Variants in IQGAP2 observed in about 807,000 individuals in gnomAD.
IQGAP2 encodes the protein ras GTPase-activating-like protein IQGAP2.
In IQGAP2, 173 loss-of-function variants were observed where a neutral mutation model predicts 201.3. The ratio of observed to expected loss-of-function variants is 0.86; its 90% CI spans 0.76 to 0.98. IQGAP2 has a LOEUF of 0.98. Among genes scored for constraint, IQGAP2 ranks in the 50% least tolerant of loss-of-function variants. The pLI is 0.00. For missense variants in IQGAP2, 1,687 were observed against 1,864.8 expected (o/e 0.90, Z 1.76); for synonymous variants, 675 against 673.9 (o/e 1.00, Z -0.03).
At chr5:76,661,035 A>G (rs2150453426) in intron 21 of IQGAP2, among the ~76,000 whole-genome samples, 1 of 152,086 alleles carries the variant, frequency 6.6e-6, no homozygotes, top group African/African-American at 2.4e-5. Context: ...ATAATAATCC[A>G]GAAGAAGAAA....
At chr5:76,643,817 C>T (rs369299266) in intron 17 of IQGAP2, among the ~76,000 whole-genome samples, 8 of 152,098 alleles carry the variant, frequency 5.3e-5, no homozygotes, top group East Asian at 1.9e-4. Flanking sequence ...AACTTCACTT[C>T]GCCAGGAGCA....
chr5:76,619,786 G>A (rs1449636555), intron 13 of IQGAP2, among the ~76,000 whole-genome samples: 1 of 152,094 alleles, frequency 6.6e-6, no homozygotes, highest in Non-Finnish European at 1.5e-5. Context: ...CCAAAGTGCT[G>A]GGATTACAGG....
rs1166317762 is a variant in IQGAP2 at position 76,477,802 on chromosome 5, T to C, written c.146+16133T>C. Among the ~76,000 whole-genome samples the C allele has an allele frequency of 2.6e-5, 4 of 152,280 alleles. No individual in the cohort carries two copies. The South Asian group carries it at 6.2e-4, about 24-fold the overall frequency. On this transcript the variant is annotated intron_variant, in intron 2 of 35. Transcript: ENST00000274364. ...TGGAGGTGGAAGACAGTGATATTGA[T>C]GATCCTGACTCATGTGGGATCTTGC...
In IQGAP2 at chr5:76,467,031, G is replaced by T. The variant is rs558993332; in HGVS notation, c.146+5362G>T. On this transcript the variant is annotated intron_variant, in intron 2 of 35. Coordinates refer to ENST00000274364, the MANE Select transcript of IQGAP2 (RefSeq NM_006633.5). Reference sequence around the variant, plus strand: ...TTTGGGAGGCTAAGGCCAGCAGATCGCTTGAGCCCAGGAGATCGAGACCAG... The same window carrying T: ...TTTGGGAGGCTAAGGCCAGCAGATCTCTTGAGCCCAGGAGATCGAGACCAG... 2.0e-5 allele frequency among the ~76,000 whole-genome samples: 3 copies of T among 152,256 alleles called. No individual in the cohort carries two copies. In the South Asian group the frequency reaches 6.2e-4, roughly 32 times the overall value.
intron 17 of IQGAP2, among the ~76,000 whole-genome samples, chr5:76,648,637 G>A (rs1005246840): frequency 9.9e-5 from 15 of 152,112 alleles, no homozygotes; most frequent in Non-Finnish European, 1.6e-4. Flanking sequence ...TAAGCAATTA[G>A]CAATTACTAA....
intron 13 of IQGAP2, chr5:76,617,474 G>A (rs1749092730): frequency 2.6e-6 from 2 of 777,110 alleles, no homozygotes; most frequent in Admixed American, 2.6e-5. Context: ...GACCTTTGAA[G>A]CATATTTCTT....
intron 2 of IQGAP2, among the ~76,000 whole-genome samples, chr5:76,492,820 G>T (rs1218369312): frequency 6.6e-6 from 1 of 152,192 alleles, no homozygotes; most frequent in East Asian, 1.9e-4. Flanking sequence ...AGGCCATGGA[G>T]AGTCTGTGAT....
At chr5:76,595,790 G>C (rs958355208) in intron 9 of IQGAP2, among the ~76,000 whole-genome samples, 6 of 151,508 alleles carry the variant, frequency 4.0e-5, no homozygotes, top group South Asian at 4.2e-4. Flanking sequence ...GAGAGAGAGA[G>C]AGAGAGAGAA....
intron 2 of IQGAP2, among the ~76,000 whole-genome samples, chr5:76,485,629 A>G (rs2150149567): frequency 6.6e-6 from 1 of 152,316 alleles, no homozygotes; most frequent in Non-Finnish European, 1.5e-5. Flanking sequence ...TACAGGCCAC[A>G]CATGGGGAGT....
At chr5:76,458,377 A>T (rs1213503108) in intron 1 of IQGAP2, among the ~76,000 whole-genome samples, 1 of 152,214 alleles carries the variant, frequency 6.6e-6, no homozygotes, top group East Asian at 1.9e-4. Context: ...CAGTGTTATT[A>T]TCCATGCCAG....
intron 31 of IQGAP2, 27 bp from the exon 32 acceptor site, chr5:76,695,427 C>G (rs1223056106): frequency 2.5e-6 from 4 of 1,584,264 alleles, no homozygotes; most frequent in Non-Finnish European, 3.5e-6. Flanking sequence ...TCAGAGAAAA[C>G]TCAGCATCTT....
At chr5:76,590,201 C>T (rs1484392652) in intron 7 of IQGAP2, among the ~76,000 whole-genome samples, 1 of 152,190 alleles carries the variant, frequency 6.6e-6, no homozygotes, top group Non-Finnish European at 1.5e-5. Flanking sequence ...GTCAGAATTA[C>T]TTAACAGATG....
At chr5:76,687,949 A>G (rs1016072889) in intron 30 of IQGAP2, among the ~76,000 whole-genome samples, 3 of 152,200 alleles carry the variant, frequency 2.0e-5, no homozygotes, top group Admixed American at 1.3e-4. Flanking sequence ...CACCCTGTCC[A>G]TGGAAAAATT....
In IQGAP2 at chr5:76,434,312, C is replaced by T. The variant is rs760630289; in HGVS notation, c.47-27258C>T. Reference sequence around the variant, plus strand: ...TCACCTGAGTAGTGTACATTGTGCCCGATACATAGTTTTATATCCCTATTT... The same window carrying T: ...TCACCTGAGTAGTGTACATTGTGCCTGATACATAGTTTTATATCCCTATTT... On this transcript the variant is annotated intron_variant, in intron 1 of 35. Coordinates refer to ENST00000274364, the MANE Select transcript of IQGAP2 (RefSeq NM_006633.5). Among the ~76,000 whole-genome samples, 29 of 152,110 alleles carry T rather than the reference C, an allele frequency of 1.9e-4. No individual in the cohort carries two copies. The South Asian group carries it at 2.5e-3, about 13-fold the overall frequency.
chr5:76,603,292 C>T (rs905203398), intron 11 of IQGAP2, among the ~76,000 whole-genome samples: 3 of 152,152 alleles, frequency 2.0e-5, no homozygotes, highest in Admixed American at 6.5e-5. Flanking sequence ...GAGGTATATC[C>T]GTGCTTCTCC....
intron 2 of IQGAP2, among the ~76,000 whole-genome samples, chr5:76,547,103 A>C (rs999310253): frequency 8.5e-5 from 13 of 152,238 alleles, no homozygotes; most frequent in Non-Finnish European, 1.9e-4. Context: ...CTCACAGTTG[A>C]ATTTTTCACT....
intron 2 of IQGAP2, among the ~76,000 whole-genome samples, chr5:76,464,113 C>G (rs1754643069): frequency 1.3e-5 from 2 of 152,150 alleles, no homozygotes; most frequent in South Asian, 4.1e-4. Flanking sequence ...TCCCAAAGTG[C>G]TGGGATGACA....
intron 26 of IQGAP2, 51 bp from the exon 27 acceptor site, chr5:76,674,426 C>A: frequency 6.5e-6 from 7 of 1,069,804 alleles, no homozygotes; most frequent in East Asian, 2.4e-5. Flanking sequence ...AAAACTAAAA[C>A]TCTTGAGTTT....
At chr5:76,577,086 A>G (rs937037456) in intron 5 of IQGAP2, among the ~76,000 whole-genome samples, 5 of 152,270 alleles carry the variant, frequency 3.3e-5, no homozygotes, top group African/African-American at 4.8e-5. Context: ...TGCCATTGCT[A>G]CATGTGTGCA....
Sources: allele counts gnomAD v4.1 joint callset (sites outside exome capture counted in the v4.1 genomes callset), GRCh38; gene constraint gnomAD v4.1.1; transcripts MANE v1.5; gene names NCBI Gene and HGNC (gene_info 2026-07-23, HGNC 2026-07-21).